Variants in CCDC178 observed in about 807,000 individuals in gnomAD.
CCDC178 encodes coiled-coil domain containing 178, also known as coiled-coil domain-containing protein 178.
Under a neutral mutation model 117.4 loss-of-function variants are expected in CCDC178, and 126 were observed. The observed-to-expected ratio is 1.07, with a 90% confidence interval of 0.93 to 1.24. CCDC178 has a LOEUF of 1.24. Ranked by LOEUF, CCDC178 falls within the 50% of genes most tolerant of loss-of-function variation. The pLI is 0.00. For missense variants in CCDC178, 1,030 were observed against 986.9 expected (o/e 1.04, Z -0.59); for synonymous variants, 283 against 313.4 (o/e 0.90, Z 1.02).
At chr18:33,419,355 G>GA (rs2063991547) in intron 2 of CCDC178, among the ~76,000 whole-genome samples, 1 of 152,148 alleles carries the variant, frequency 6.6e-6, no homozygotes, top group Admixed American at 6.5e-5. Flanking sequence ...GATAACCTAG[G>GA]AAATACCATT....
At chr18:33,329,876 A>AGAGT (rs150092365) in intron 10 of CCDC178, among the ~76,000 whole-genome samples, 10 of 131,446 alleles carry the variant, frequency 7.6e-5, no homozygotes, top group South Asian at 2.6e-4. Flanking sequence ...GAATTATTAG[A>AGAGT]GTGTGTGTGT....
intron 12 of CCDC178, among the ~76,000 whole-genome samples, chr18:33,279,170 T>G (rs2059990595): frequency 1.3e-5 from 2 of 152,192 alleles, no homozygotes; most frequent in South Asian, 4.1e-4. Context: ...AAATTGTCCC[T>G]GTTTGCAGAC....
At chr18:33,282,268 G>T (rs1747169535) in intron 12 of CCDC178, among the ~76,000 whole-genome samples, 2 of 152,192 alleles carry the variant, frequency 1.3e-5, no homozygotes, top group African/African-American at 4.8e-5. Context: ...TCCTCGAGAA[G>T]TGGTAAGGGC....
intron 2 of CCDC178, among the ~76,000 whole-genome samples, chr18:33,416,740 A>G (rs1469279248): frequency 6.6e-6 from 1 of 152,152 alleles, no homozygotes; most frequent in Non-Finnish European, 1.5e-5. Context: ...TACTTGCACC[A>G]CAACCCAGCA....
At position 33,249,017 on chromosome 18, in the gene CCDC178, G is replaced by A. The variant is rs549053926; in HGVS notation, c.1410-3589C>T. Among the ~76,000 whole-genome samples, 8 of 152,254 alleles carry A rather than the reference G, an allele frequency of 5.3e-5. No homozygotes were observed. The East Asian group carries it at 1.5e-3, about 29-fold the overall frequency. On this transcript the variant is annotated intron_variant, in intron 14 of 22. Coordinates refer to ENST00000383096, the MANE Select transcript of CCDC178 (RefSeq NM_001105528.4). Reference sequence around the variant, plus strand: ...TTGATTTGCATTTCTCTGATGGCCAGTGATGATGAGCATTTTTTCATGTGT... The same window carrying A: ...TTGATTTGCATTTCTCTGATGGCCAATGATGATGAGCATTTTTTCATGTGT...
At chr18:33,106,734 AT>A (rs1208715326) in intron 20 of CCDC178, among the ~76,000 whole-genome samples, 1 of 151,704 alleles carries the variant, frequency 6.6e-6, no homozygotes, top group Non-Finnish European at 1.5e-5. Context: ...ATTTTGGATT[AT>A]CTGAGTGGGA....
intron 21 of CCDC178, among the ~76,000 whole-genome samples, chr18:33,038,226 T>C (rs1242945859): frequency 6.6e-6 from 1 of 151,922 alleles, no homozygotes; most frequent in African/African-American, 2.4e-5. Context: ...CTTGAGTCTG[T>C]AGCATCAGGG....
chr18:33,428,730 C>CAAAAAAAAAAAAAAAAAAAAAAA (rs35234261), intron 2 of CCDC178, among the ~76,000 whole-genome samples: 1 of 42,378 alleles, frequency 2.4e-5, no homozygotes, highest in African/African-American at 9.0e-5. Flanking sequence ...GACTCTGTCT[C>CAAAAAAAAAAAAAAAAAAAAAAA]AAAAAAAAAA....
intron 5 of CCDC178, among the ~76,000 whole-genome samples, chr18:33,379,585 T>C (rs1232179279): frequency 2.6e-5 from 4 of 152,094 alleles, no homozygotes; most frequent in South Asian, 2.1e-4. Flanking sequence ...GAGAATCCAA[T>C]AGGCAGCCTC....
chr18:33,226,876 A>T lies in CCDC178; in HGVS notation c.1594-21T>A, dbSNP rs201359481. 3.4e-4 allele frequency: 467 copies of T among 1,392,936 alleles called. 2 individuals carry two copies. Among genetic ancestry groups the T allele is most frequent in the Admixed American group, 3.4e-4 (16 of 46,870 alleles). The allele number at this position is 1,392,936 out of a possible 1,614,324, so 86.3% of individuals were successfully genotyped here. ...CTACCCTATATGTTAGGAAATTTTT[A>T]AAATGAGGATTTTCTTCATAAAACA... On this transcript the variant is annotated intron_variant, in intron 15 of 22. Transcript: ENST00000383096.
At chr18:33,416,008 G>T (rs1397254845) in intron 2 of CCDC178, among the ~76,000 whole-genome samples, 1 of 152,150 alleles carries the variant, frequency 6.6e-6, no homozygotes, top group African/African-American at 2.4e-5. Flanking sequence ...ATGCCAATGG[G>T]TATAGACAAA....
At chr18:33,294,412 C>A (rs1166811755) in intron 11 of CCDC178, among the ~76,000 whole-genome samples, 1 of 152,028 alleles carries the variant, frequency 6.6e-6, no homozygotes, top group East Asian at 1.9e-4. Context: ...TAATAAACTC[C>A]TACAAGTCAA....
At chr18:33,021,546 C>A (rs2056116959) in intron 21 of CCDC178, among the ~76,000 whole-genome samples, 1 of 151,904 alleles carries the variant, frequency 6.6e-6, no homozygotes, top group Admixed American at 6.6e-5. Context: ...AAAATACAAA[C>A]AACAAAACAC....
chr18:33,290,490 C>T (rs959006300), intron 12 of CCDC178, among the ~76,000 whole-genome samples: 3 of 152,088 alleles, frequency 2.0e-5, no homozygotes, highest in Non-Finnish European at 4.4e-5. Context: ...AGAGATAGAT[C>T]ATGGGTATGT....
intron 21 of CCDC178, among the ~76,000 whole-genome samples, chr18:32,985,993 T>C (rs996721942): frequency 2.6e-5 from 4 of 152,088 alleles, no homozygotes; most frequent in African/African-American, 9.6e-5. Context: ...TATAGAAAGA[T>C]ATTTTTGTTT....
intron 21 of CCDC178, among the ~76,000 whole-genome samples, chr18:32,988,110 A>AATC (rs1434237648): frequency 7.1e-6 from 1 of 140,788 alleles, no homozygotes; most frequent in African/African-American, 2.8e-5. Context: ...TAATAATAAT[A>AATC]ATAATAATAA....
intron 20 of CCDC178, among the ~76,000 whole-genome samples, chr18:33,192,108 A>G (rs1414669481): frequency 6.6e-6 from 1 of 152,238 alleles, no homozygotes; most frequent in Non-Finnish European, 1.5e-5. Flanking sequence ...CTGTGGTGAC[A>G]TGAAAACAGT....
intron 21 of CCDC178, among the ~76,000 whole-genome samples, chr18:33,003,123 A>T (rs2055674740): frequency 6.6e-6 from 1 of 152,134 alleles, no homozygotes; most frequent in South Asian, 2.1e-4. Context: ...TACCAATCCT[A>T]CTTAAACTAT....
intron 21 of CCDC178, among the ~76,000 whole-genome samples, chr18:32,977,627 C>T (rs1008168805): frequency 3.9e-5 from 6 of 152,100 alleles, no homozygotes; most frequent in African/African-American, 9.7e-5. Flanking sequence ...CAGAAATAAA[C>T]GATTTTCAAA....
Sources: allele counts gnomAD v4.1 joint callset (sites outside exome capture counted in the v4.1 genomes callset), GRCh38; gene constraint gnomAD v4.1.1; transcripts MANE v1.5; gene names NCBI Gene and HGNC (gene_info 2026-07-23, HGNC 2026-07-21).